The following SYT9 variants were observed in gnomAD, a reference collection of about 807,000 sequenced individuals.
SYT9 encodes the protein synaptotagmin 9.
SYT9 carries 22 observed loss-of-function variants against 48.4 expected under a neutral mutation model. That is an observed-to-expected ratio of 0.45 (90% CI 0.32 to 0.65). The LOEUF is 0.65. Ranked by LOEUF, SYT9 falls within the 30% of genes least tolerant of loss-of-function variation. The pLI, the probability that SYT9 is intolerant of heterozygous loss-of-function variation, is 0.03. For synonymous variants in SYT9, 265 were observed against 245.0 expected (o/e 1.08, Z -0.76); for missense variants, 577 against 622.0 (o/e 0.93, Z 0.77).
chr11:7,401,509 C>T (rs960941247), intron 3 of SYT9, among the ~76,000 whole-genome samples: 3 of 151,494 alleles, frequency 2.0e-5, no homozygotes, highest in South Asian at 2.1e-4. Flanking sequence ...TTTTCCTTAA[C>T]GATCTGGAGT....
At position 7,423,795 on chromosome 11, in the gene SYT9, G is replaced by A. The variant is rs117364191; in HGVS notation, c.1467+3160G>A. Among the ~76,000 whole-genome samples the A allele has an allele frequency of 7.1e-3, 1,078 of 152,278 alleles. 7 individuals carry two copies. Among genetic ancestry groups the A allele is most frequent in the Middle Eastern group, 0.017 (5 of 294 alleles). On this transcript the variant is annotated intron_variant, in intron 6 of 6. Transcript: ENST00000318881. Reference sequence around the variant, plus strand: ...CAGAGTGGGGGGAAGGGGTCATCCAGTACTTGGCTAAACACAGATGCACAT... The same window carrying A: ...CAGAGTGGGGGGAAGGGGTCATCCAATACTTGGCTAAACACAGATGCACAT...
intron 3 of SYT9, among the ~76,000 whole-genome samples, chr11:7,392,305 CT>C (rs1321490852): frequency 1.3e-5 from 2 of 152,138 alleles, no homozygotes; most frequent in Admixed American, 6.5e-5. Context: ...TAGGGGTCCA[CT>C]TTTTTTCTTC....
At chr11:7,454,164 A>G (rs1007039614) in intron 6 of SYT9, 93 of 985,280 alleles carry the variant, frequency 9.4e-5, no homozygotes, top group Non-Finnish European at 1.1e-4. Context: ...ATGAGAGTCC[A>G]AGCCTCCAGC....
intron 1 of SYT9, among the ~76,000 whole-genome samples, chr11:7,276,038 G>A (rs1848383799): frequency 6.6e-6 from 1 of 152,046 alleles, no homozygotes; most frequent in Admixed American, 6.6e-5. Flanking sequence ...GCCAATTTCT[G>A]GTGTCCAAAT....
At chr11:7,422,296 A>G (rs1411747286) in intron 6 of SYT9, among the ~76,000 whole-genome samples, 1 of 152,190 alleles carries the variant, frequency 6.6e-6, no homozygotes, top group Non-Finnish European at 1.5e-5. Flanking sequence ...GATTCTAACC[A>G]TCAGGGCACC....
intron 2 of SYT9, among the ~76,000 whole-genome samples, chr11:7,308,627 G>A (rs1849075456): frequency 6.6e-6 from 1 of 152,200 alleles, no homozygotes; most frequent in African/African-American, 2.4e-5. Flanking sequence ...AGTTAAGTAG[G>A]CAAGCCCAGC....
chr11:7,382,614 C>G (rs1310238641), intron 3 of SYT9, among the ~76,000 whole-genome samples: 1 of 152,116 alleles, frequency 6.6e-6, no homozygotes, highest in Non-Finnish European at 1.5e-5. Flanking sequence ...TGGAGTCATT[C>G]ACATATAAAT....
exon 1 of SYT9, chr11:7,238,841 T>C (rs766415203): frequency 2.9e-5 from 13 of 455,796 alleles, no homozygotes; most frequent in Non-Finnish European, 4.9e-5. Context: ...AAGAATGATA[T>C]GAAGAAGCCA....
intron 3 of SYT9, among the ~76,000 whole-genome samples, chr11:7,343,890 C>G (rs1034595345): frequency 6.6e-5 from 10 of 152,144 alleles, no homozygotes; most frequent in Non-Finnish European, 1.3e-4. Context: ...GCAGGCAAGA[C>G]AGAATGAGAG....
intron 1 of SYT9, among the ~76,000 whole-genome samples, chr11:7,244,903 C>T (rs1297797311): frequency 6.6e-6 from 1 of 152,162 alleles, no homozygotes; most frequent in Non-Finnish European, 1.5e-5. Context: ...AAGCCTGAGG[C>T]ACAGAGAGAG....
intron 1 of SYT9, among the ~76,000 whole-genome samples, chr11:7,300,466 C>G (rs187639769): frequency 2.9e-4 from 44 of 152,310 alleles, no homozygotes; most frequent in African/African-American, 1.1e-3. Context: ...ATTTATGCTT[C>G]TCCCTTGGAG....
intron 3 of SYT9, among the ~76,000 whole-genome samples, chr11:7,333,054 T>G (rs1407104466): frequency 6.6e-6 from 1 of 152,206 alleles, no homozygotes; most frequent in African/African-American, 2.4e-5. Flanking sequence ...ATCGAAACAG[T>G]TTGTGGTATT....
At chr11:7,314,325 G>A (rs1849202303) in intron 3 of SYT9, 1 of 382,688 alleles carries the variant, frequency 2.6e-6, no homozygotes, top group Non-Finnish European at 5.1e-6. Flanking sequence ...ACCATTACCT[G>A]ACTCTGACAG....
intron 3 of SYT9, among the ~76,000 whole-genome samples, chr11:7,374,027 C>G (rs2134034779): frequency 6.6e-6 from 1 of 152,146 alleles, no homozygotes; most frequent in East Asian, 1.9e-4. Context: ...CACCCATCAA[C>G]CCATCATCTA....
intron 1 of SYT9, among the ~76,000 whole-genome samples, chr11:7,266,428 T>A (rs182616483): frequency 6.5e-4 from 99 of 152,056 alleles, no homozygotes; most frequent in Non-Finnish European, 6.8e-4. Flanking sequence ...ATGCCTTTGG[T>A]AGGAACATTC....
At chr11:7,292,499 A>T (rs554820539) in intron 1 of SYT9, among the ~76,000 whole-genome samples, 7 of 152,208 alleles carry the variant, frequency 4.6e-5, no homozygotes, top group Non-Finnish European at 1.0e-4. Context: ...AGCAGGCCAC[A>T]AAGCTGGTCT....
intron 2 of SYT9, among the ~76,000 whole-genome samples, chr11:7,308,417 G>A (rs888827256): frequency 1.3e-5 from 2 of 152,184 alleles, no homozygotes; most frequent in African/African-American, 4.8e-5. Flanking sequence ...TGGAAGGGGT[G>A]TTGGGGATAT....
At chr11:7,395,594 G>A (rs540564307) in intron 3 of SYT9, among the ~76,000 whole-genome samples, 1 of 152,080 alleles carries the variant, frequency 6.6e-6, no homozygotes, top group African/African-American at 2.4e-5. Flanking sequence ...ATTATGTAAT[G>A]ACTTTCTTTG....
At chr11:7,385,696 G>A (rs140295350) in intron 3 of SYT9, among the ~76,000 whole-genome samples, 2 of 152,266 alleles carry the variant, frequency 1.3e-5, no homozygotes, top group Non-Finnish European at 2.9e-5. Context: ...CTATATGCAT[G>A]AGTCAGTTTC....
Sources: allele counts gnomAD v4.1 joint callset (sites outside exome capture counted in the v4.1 genomes callset), GRCh38; gene constraint gnomAD v4.1.1; transcripts MANE v1.5; gene names NCBI Gene and HGNC (gene_info 2026-07-23, HGNC 2026-07-21).